The following CERS3 variants were observed in gnomAD, a reference collection of about 807,000 sequenced individuals.
CERS3 encodes the protein LAG1 homolog, ceramide synthase 3.
A neutral mutation model predicts 50.3 loss-of-function variants in CERS3; 33 were observed. The observed-to-expected ratio is 0.66, with a 90% CI of 0.50 to 0.88. The LOEUF (loss-of-function observed/expected upper bound fraction) is 0.88. Among genes scored for constraint, CERS3 ranks in the 40% least tolerant of loss-of-function variants. The pLI, the probability that CERS3 is intolerant of heterozygous loss-of-function variation, is 0.00. For missense variants in CERS3, 470 were observed against 460.3 expected, an observed-to-expected ratio of 1.02 and a Z score of -0.19; for synonymous variants, 176 against 155.2, an observed-to-expected ratio of 1.13 and a Z score of -0.99.
chr15:100,504,842 T>G (rs971772622), intron 2 of CERS3, among the ~76,000 whole-genome samples: 1 of 152,196 alleles, frequency 6.6e-6, no homozygotes. Context: ...CAAGCTTGGT[T>G]GCCTGAACCA....
At chr15:100,470,288 T>A (rs905330656) in intron 9 of CERS3, among the ~76,000 whole-genome samples, 12 of 152,100 alleles carry the variant, frequency 7.9e-5, no homozygotes, top group Non-Finnish European at 1.5e-4. Context: ...AGAACCAACT[T>A]CATCCCAGAG....
At chr15:100,456,472 G>C (rs1359421363) in intron 10 of CERS3, among the ~76,000 whole-genome samples, 1 of 152,210 alleles carries the variant, frequency 6.6e-6, no homozygotes, top group African/African-American at 2.4e-5. Flanking sequence ...AAGGTGAATA[G>C]AGAATTCTAC....
Position 100,418,718 on chromosome 15 carries a change from C to T in CERS3, c.1000-15853G>A, listed in dbSNP as rs1000873503. On this transcript the variant is annotated intron_variant, in intron 11 of 11. Coordinates refer to ENST00000679737, the MANE Select transcript of CERS3 (RefSeq NM_001378789.1). ...TACCCTCAAAGGGAAGCCCATCAGA[C>T]TAACAGCAGATCTCTCGGCAGAAAC... Among the ~76,000 whole-genome samples the T allele has an allele frequency of 6.7e-3, 904 of 135,194 alleles. 16 individuals are homozygous for T. The highest frequency in any genetic ancestry group is 0.023 in the African/African-American group (848 of 36,554). 88.7% of individuals were successfully genotyped at this position (135,194 alleles called of 152,430 possible).
At chr15:100,473,726 T>C (rs1368870797) in intron 8 of CERS3, among the ~76,000 whole-genome samples, 1 of 152,244 alleles carries the variant, frequency 6.6e-6, no homozygotes, top group Non-Finnish European at 1.5e-5. Context: ...AGCTGCTTTG[T>C]TAAACAGTCT....
chr15:100,511,392 T>G (rs920546869), intron 2 of CERS3, among the ~76,000 whole-genome samples: 2 of 152,152 alleles, frequency 1.3e-5, no homozygotes, highest in Admixed American at 6.5e-5. Context: ...TATAAAGAAC[T>G]TCTATAACTC....
At position 100,490,653 on chromosome 15, in the gene CERS3, G is replaced by A. The variant is rs76389193; in HGVS notation, c.288+164C>T. The A allele has an allele frequency of 9.8e-3, 5,730 of 582,784 alleles. 141 individuals are homozygous for A. Among genetic ancestry groups the A allele is most frequent in the Admixed American group, 0.066 (1,934 of 29,484 alleles). The allele number at this position is 582,784 out of a possible 1,614,324, so 36.1% of individuals were successfully genotyped here. On this transcript the variant is annotated intron_variant, in intron 4 of 11. Coordinates refer to ENST00000679737, the MANE Select transcript of CERS3 (RefSeq NM_001378789.1). Reference sequence around the variant, plus strand: ...TTATCATATGTATCACACTTGGGATGTTCTAAACCTGTCAACAGAACAAAG... The same window carrying A: ...TTATCATATGTATCACACTTGGGATATTCTAAACCTGTCAACAGAACAAAG...
At chr15:100,450,416 C>CAAAAAAAAAAAAAA (rs34873483) in intron 11 of CERS3, among the ~76,000 whole-genome samples, 4 of 63,430 alleles carry the variant, frequency 6.3e-5, no homozygotes, top group East Asian at 4.8e-4. Flanking sequence ...GACTCTGTCT[C>CAAAAAAAAAAAAAA]AAAAAAAAAA....
intron 11 of CERS3, chr15:100,438,049 T>C (rs2033509959): frequency 7.0e-6 from 1 of 143,434 alleles, no homozygotes; most frequent in South Asian, 2.3e-4. Flanking sequence ...TTTTTTTTTT[T>C]TTTTTTTTGA....
chr15:100,404,165 C>T (rs181926074), intron 11 of CERS3, among the ~76,000 whole-genome samples: 1 of 152,254 alleles, frequency 6.6e-6, no homozygotes, highest in Admixed American at 6.5e-5. Context: ...CTGAAAAGAA[C>T]ACGACCCTGC....
upstream of CERS3, among the ~76,000 whole-genome samples, chr15:100,532,473 T>C (rs182076370): frequency 3.1e-4 from 47 of 152,284 alleles, no homozygotes; most frequent in Non-Finnish European, 3.7e-4. Context: ...TAAGTCAAAA[T>C]GCTACCAAAC....
chr15:100,455,223 C>A (rs1365621533), intron 11 of CERS3, among the ~76,000 whole-genome samples: 1 of 151,518 alleles, frequency 6.6e-6, no homozygotes. Context: ...TATGACCCAG[C>A]AATCTCACTA....
At chr15:100,478,232 T>G (rs1350538049) in intron 7 of CERS3, among the ~76,000 whole-genome samples, 1 of 152,140 alleles carries the variant, frequency 6.6e-6, no homozygotes, top group Admixed American at 6.5e-5. Context: ...AAATTGAGAA[T>G]TCAAAAGATG....
intron 11 of CERS3, among the ~76,000 whole-genome samples, chr15:100,430,579 T>G (rs2033074989): frequency 6.6e-6 from 1 of 152,194 alleles, no homozygotes; most frequent in African/African-American, 2.4e-5. Context: ...CCCAGAAGAT[T>G]GTGAATTACT....
chr15:100,420,119 T>C (rs976771998), intron 11 of CERS3, among the ~76,000 whole-genome samples: 18 of 147,670 alleles, frequency 1.2e-4, no homozygotes, highest in Non-Finnish European at 1.9e-4. Context: ...CAAAAACCCT[T>C]CAAAAAATTA....
intron 2 of CERS3, among the ~76,000 whole-genome samples, chr15:100,513,071 G>C (rs1296515762): frequency 6.6e-6 from 1 of 152,152 alleles, no homozygotes; most frequent in Non-Finnish European, 1.5e-5. Flanking sequence ...TTTGGCATCT[G>C]AAAGGGTCAA....
chr15:100,439,629 A>G (rs993816096), intron 11 of CERS3, among the ~76,000 whole-genome samples: 12 of 152,332 alleles, frequency 7.9e-5, no homozygotes, highest in South Asian at 6.2e-4. Flanking sequence ...TTTGTTAGTT[A>G]TCCCTCTAAG....
chr15:100,435,705 A>C lies in CERS3; in HGVS notation c.999+20188T>G, dbSNP rs369289805. Reference sequence around the variant, plus strand: ...ACAGGCCACCTATAGAATGGGAGAAAATTTTTGCAATCTATCCATCTGACA... The same window carrying C: ...ACAGGCCACCTATAGAATGGGAGAACATTTTTGCAATCTATCCATCTGACA... On this transcript the variant is annotated intron_variant, in intron 11 of 11. Coordinates refer to ENST00000679737, the MANE Select transcript of CERS3 (RefSeq NM_001378789.1). Among the ~76,000 whole-genome samples the C allele has an allele frequency of 5.9e-5, 9 of 152,328 alleles. No homozygotes were observed. In the East Asian group the frequency reaches 1.5e-3, roughly 26 times the overall value.
chr15:100,423,931 ATTTC>A (rs1212585500), intron 11 of CERS3, among the ~76,000 whole-genome samples: 1 of 147,354 alleles, frequency 6.8e-6, no homozygotes, highest in Non-Finnish European at 1.5e-5. Context: ...TCAGTCTCAT[ATTTC>A]TTTCTTTCTT....
chr15:100,518,171 G>A (rs2142377132), intron 2 of CERS3, among the ~76,000 whole-genome samples: 1 of 152,118 alleles, frequency 6.6e-6, no homozygotes, highest in East Asian at 1.9e-4. Context: ...TCCTCTTAAA[G>A]AAAAAAATGT....
Sources: gnomAD v4.1 joint callset for allele counts (sites outside exome capture counted in the v4.1 genomes callset) on GRCh38, gnomAD v4.1.1 for gene constraint, MANE v1.5 for transcripts, NCBI Gene and HGNC (gene_info 2026-07-23, HGNC 2026-07-21) for gene names.